Variants in ELP3 observed in about 807,000 individuals in gnomAD.
ELP3 encodes the protein elongator acetyltransferase complex subunit 3.
In ELP3, 56 loss-of-function variants were observed where a neutral mutation model predicts 74.9. The ratio of observed to expected loss-of-function variants is 0.75; its 90% CI spans 0.60 to 0.93. ELP3 has a LOEUF of 0.93. Among genes scored for constraint, ELP3 ranks in the 40% least tolerant of loss-of-function variants. ELP3 has a pLI of 0.00. For synonymous variants in ELP3, 222 were observed against 239.8 expected, an observed-to-expected ratio of 0.93 and a Z score of 0.68; for missense variants, 573 against 686.5, an observed-to-expected ratio of 0.83 and a Z score of 1.85.
intron 5 of ELP3, among the ~76,000 whole-genome samples, chr8:28,109,035 G>T (rs1377986641): frequency 6.6e-6 from 1 of 152,090 alleles, no homozygotes; most frequent in African/African-American, 2.4e-5. Context: ...GTGTTGTGCA[G>T]TGCAGGGGGT....
Position 28,137,844 on chromosome 8 carries a change from G to T in ELP3, c.1053G>T (p.Arg351=), listed in dbSNP as rs1280298448. The T allele has an allele frequency of 1.2e-6, 2 of 1,613,650 alleles. No homozygotes were observed. Among genetic ancestry groups the T allele is most frequent in the Non-Finnish European group, 1.7e-6 (2 of 1,179,934 alleles). ...SPSDLVELVA[R]ILALVPPWTR... ...GTGACCTGGTTGAATTGGTGGCTCG[G>T]ATCCTAGCCCTCGTGCCTCCATGGA... The change falls in exon 10 of 15, where the codon CGG becomes CGT. Residue 351 remains arginine (R), a synonymous_variant. Coordinates refer to ENST00000256398, the MANE Select transcript of ELP3 (RefSeq NM_018091.6).
At chr8:28,119,572 TTATATA>T (rs72105276) in intron 7 of ELP3, among the ~76,000 whole-genome samples, 718 of 46,480 alleles carry the variant, frequency 0.015, 34 homozygotes, top group Non-Finnish European at 0.022. Flanking sequence ...TTGTGGCGTT[TTATATA>T]TATATATATA....
chr8:28,104,304 T>C (rs1258113015), intron 3 of ELP3, among the ~76,000 whole-genome samples: 1 of 152,234 alleles, frequency 6.6e-6, no homozygotes. Context: ...GCTTGTCTTT[T>C]CATTGTCTTT....
In ELP3 at chr8:28,121,571, C is replaced by T. The variant is rs201066810; in HGVS notation, c.618-7931C>T. Reference sequence around the variant, plus strand: ...CCGGCCTCAGGTGATCCGCCCACTTCGGCCTCCCAAAGTGCTGGGATTACA... The same window carrying T: ...CCGGCCTCAGGTGATCCGCCCACTTTGGCCTCCCAAAGTGCTGGGATTACA... On this transcript the variant is annotated intron_variant, in intron 7 of 14. Transcript: ENST00000256398. Among the ~76,000 whole-genome samples, 85 of 152,132 alleles carry T rather than the reference C, an allele frequency of 5.6e-4. 2 individuals are homozygous for T. In the East Asian group the frequency reaches 0.01, roughly 18 times the overall value.
At chr8:28,175,968 C>A in intron 14 of ELP3, among the ~76,000 whole-genome samples, 1 of 152,030 alleles carries the variant, frequency 6.6e-6, no homozygotes, top group East Asian at 1.9e-4. Flanking sequence ...GCATGTGCCA[C>A]CAGGCCTGGC....
chr8:28,178,798 T>G (rs930903786), intron 14 of ELP3, among the ~76,000 whole-genome samples: 1 of 152,244 alleles, frequency 6.6e-6, no homozygotes. Context: ...TCCATTCTGA[T>G]GAATATGAGT....
rs1156773062 is a variant in ELP3 at position 28,160,390 on chromosome 8, A to C, written c.1419A>C (p.Arg473=). 1.9e-6 allele frequency: 3 copies of C among 1,614,092 alleles called. No homozygotes were observed. In the Admixed American group the frequency reaches 5.0e-5, roughly 27 times the overall value. The change falls in exon 13 of 15, where the codon CGA becomes CGC. Residue 473 remains arginine (R), a synonymous_variant. Coordinates refer to ENST00000256398, the MANE Select transcript of ELP3 (RefSeq NM_018091.6). ...TGGGTGGAGGTGTCTCCATAGTACGAGAGCTGCATGTGTATGGGAGTGTGG... is the reference window on the plus strand; with the variant it reads ...TGGGTGGAGGTGTCTCCATAGTACGCGAGCTGCATGTGTATGGGAGTGTGG... ...FELGGGVSIV[R]ELHVYGSVVP...
At chr8:28,169,549 C>T (rs1213688451) in intron 14 of ELP3, among the ~76,000 whole-genome samples, 27 of 152,152 alleles carry the variant, frequency 1.8e-4, no homozygotes, top group Non-Finnish European at 1.5e-5. Context: ...TTTTTAATAG[C>T]ACAATAGCTG....
At chr8:28,093,303 T>C in intron 1 of ELP3, 70 bp downstream of exon 1, 1 of 1,592,210 alleles carries the variant, frequency 6.3e-7, no homozygotes, top group South Asian at 1.1e-5. Flanking sequence ...AATCAAATGC[T>C]GAACCGAACT....
At chr8:28,104,646 CTCA>C (rs1265449577) in intron 3 of ELP3, among the ~76,000 whole-genome samples, 1 of 152,180 alleles carries the variant, frequency 6.6e-6, no homozygotes, top group African/African-American at 2.4e-5. Flanking sequence ...CAGCTGTTTT[CTCA>C]TCATGAGATT....
intron 14 of ELP3, among the ~76,000 whole-genome samples, chr8:28,179,821 A>T (rs12674688): frequency 1.3e-5 from 2 of 152,080 alleles, no homozygotes; most frequent in African/African-American, 4.8e-5. Context: ...CTCCTCAGGC[A>T]GTAATGTGAG....
At chr8:28,164,148 A>G (rs751223603) in intron 14 of ELP3, among the ~76,000 whole-genome samples, 1 of 152,152 alleles carries the variant, frequency 6.6e-6, no homozygotes, top group Non-Finnish European at 1.5e-5. Context: ...CCTTTATGAC[A>G]TCTGTGTCTT....
chr8:28,135,585 G>A (rs187720244), intron 9 of ELP3, among the ~76,000 whole-genome samples: 5 of 152,272 alleles, frequency 3.3e-5, no homozygotes, highest in South Asian at 2.1e-4. Context: ...ATCTCAGAGC[G>A]CAGAGGCTTT....
At chr8:28,101,679 T>C (rs1811495727) in intron 3 of ELP3, among the ~76,000 whole-genome samples, 1 of 151,750 alleles carries the variant, frequency 6.6e-6, no homozygotes, top group Non-Finnish European at 1.5e-5. Context: ...AACTTCTGCC[T>C]CCCAGGTTCA....
At chr8:28,188,111 G>C (rs1488666655) in intron 14 of ELP3, among the ~76,000 whole-genome samples, 1 of 152,148 alleles carries the variant, frequency 6.6e-6, no homozygotes, top group African/African-American at 2.4e-5. Context: ...CGGAGGGAGT[G>C]CCTGTGGCAG....
intron 14 of ELP3, among the ~76,000 whole-genome samples, chr8:28,170,622 T>C (rs572189917): frequency 6.6e-6 from 1 of 152,294 alleles, no homozygotes; most frequent in African/African-American, 2.4e-5. Flanking sequence ...GGATACATGG[T>C]TTCCCTCTGG....
chr8:28,187,844 CACCTGTGGACGA>C (rs1412918853), intron 14 of ELP3, among the ~76,000 whole-genome samples: 1 of 152,164 alleles, frequency 6.6e-6, no homozygotes, highest in African/African-American at 2.4e-5. Flanking sequence ...GGTCATGCAG[CACCTGTGGACGA>C]ATCTGAGGCT....
chr8:28,189,508 C>A (rs976758689), intron 14 of ELP3, 141 bp from the exon 15 acceptor site: 10 of 687,794 alleles, frequency 1.5e-5, no homozygotes, highest in African/African-American at 3.6e-5. Flanking sequence ...TAATAATGTT[C>A]CAAACTTATT....
chr8:28,183,968 G>C (rs985061946), intron 14 of ELP3, among the ~76,000 whole-genome samples: 3 of 152,228 alleles, frequency 2.0e-5, no homozygotes, highest in Non-Finnish European at 2.9e-5. Context: ...GCTGACGTCA[G>C]CTCTGAAGGA....
Sources: allele counts gnomAD v4.1 joint callset (sites outside exome capture counted in the v4.1 genomes callset), GRCh38; gene constraint gnomAD v4.1.1; transcripts MANE v1.5; gene names NCBI Gene and HGNC (gene_info 2026-07-23, HGNC 2026-07-21).